Variants in POFUT3 observed in about 807,000 individuals in gnomAD.
POFUT3 encodes protein O-fucosyltransferase 3, also known as GDP-fucose protein O-fucosyltransferase 3.
the POFUT3 span, chr8:33,451,719 G>A: frequency 2.4e-4 from 37 of 151,938 alleles, no homozygotes; most frequent in Non-Finnish European, 4.0e-4. Flanking sequence ...ACCCAAGACT[G>A]GATAATTTAT....
the POFUT3 span, among the ~76,000 whole-genome samples, chr8:33,363,551 GA>G: frequency 6.6e-6 from 1 of 151,192 alleles, no homozygotes; most frequent in Non-Finnish European, 1.5e-5. Context: ...AAAGAGAGAA[GA>G]ATCAAATAGA....
chr8:33,411,746 C>T, the POFUT3 span, among the ~76,000 whole-genome samples: 2 of 152,128 alleles, frequency 1.3e-5, no homozygotes, highest in Non-Finnish European at 2.9e-5. Flanking sequence ...CGAGATGGTG[C>T]CATTGCACCC....
At chr8:33,355,874 A>G in the POFUT3 span, among the ~76,000 whole-genome samples, 4 of 151,910 alleles carry the variant, frequency 2.6e-5, no homozygotes, top group Non-Finnish European at 5.9e-5. Flanking sequence ...TTCTGTGTCC[A>G]TGTGTTCTCA....
the POFUT3 span, among the ~76,000 whole-genome samples, chr8:33,322,733 C>T: frequency 6.6e-6 from 1 of 152,048 alleles, no homozygotes; most frequent in Non-Finnish European, 1.5e-5. Flanking sequence ...CATTTGATAA[C>T]GGTAATGAAA....
At chr8:33,403,977 C>T in the POFUT3 span, among the ~76,000 whole-genome samples, 1 of 152,122 alleles carries the variant, frequency 6.6e-6, no homozygotes, top group South Asian at 2.1e-4. Flanking sequence ...TGGCAGGACA[C>T]ATCTGCAGCT....
chr8:33,387,090 GGTGTGTGTGTGTTTGT>G, the POFUT3 span, among the ~76,000 whole-genome samples: 32 of 151,842 alleles, frequency 2.1e-4, no homozygotes, highest in African/African-American at 7.5e-4. Flanking sequence ...CACATGGGTG[GGTGTGTGTGTGTTTGT>G]GTGTGTGTGT....
At chr8:33,372,663 T>C in the POFUT3 span, 11 of 1,613,934 alleles carry the variant, frequency 6.8e-6, no homozygotes, top group Admixed American at 1.3e-4. Context: ...TGGGCTTCTT[T>C]CTTGGATTGT....
the POFUT3 span, among the ~76,000 whole-genome samples, chr8:33,346,622 T>C: frequency 6.6e-6 from 1 of 152,238 alleles, no homozygotes; most frequent in Non-Finnish European, 1.5e-5. Context: ...CACATCTGTT[T>C]TTCAATCTGC....
chr8:33,346,511 T>A, the POFUT3 span, among the ~76,000 whole-genome samples: 1 of 152,236 alleles, frequency 6.6e-6, no homozygotes, highest in Non-Finnish European at 1.5e-5. Flanking sequence ...GGAATCATTC[T>A]GTTTCTTTTC....
At chr8:33,391,603 C>T in the POFUT3 span, among the ~76,000 whole-genome samples, 1 of 152,198 alleles carries the variant, frequency 6.6e-6, no homozygotes, top group African/African-American at 2.4e-5. Flanking sequence ...AGGGTCTAAG[C>T]TGGCTGAGAG....
the POFUT3 span, among the ~76,000 whole-genome samples, chr8:33,468,252 A>G: frequency 1.9e-4 from 29 of 149,824 alleles, no homozygotes; most frequent in Non-Finnish European, 4.0e-4. Flanking sequence ...AAAAAAAAAA[A>G]AAAAAGAAGA....
the POFUT3 span, among the ~76,000 whole-genome samples, chr8:33,463,944 C>G: frequency 6.6e-6 from 1 of 152,190 alleles, no homozygotes; most frequent in East Asian, 1.9e-4. Context: ...CTTCTTTCAT[C>G]CATGAAATTC....
the POFUT3 span, among the ~76,000 whole-genome samples, chr8:33,318,837 T>C: frequency 1.9e-5 from 1 of 54,006 alleles, no homozygotes; most frequent in Non-Finnish European, 2.7e-5. Flanking sequence ...TTTATATATA[T>C]TTATATAATA....
At chr8:33,423,359 C>A in the POFUT3 span, among the ~76,000 whole-genome samples, 1 of 152,108 alleles carries the variant, frequency 6.6e-6, no homozygotes, top group Non-Finnish European at 1.5e-5. Context: ...GCCTTGACCT[C>A]CTGGGCTCAA....
the POFUT3 span, among the ~76,000 whole-genome samples, chr8:33,442,106 T>C: frequency 1.3e-5 from 2 of 150,214 alleles, no homozygotes; most frequent in African/African-American, 4.9e-5. Flanking sequence ...CATGCCACCA[T>C]GCCCGGCTAA....
At chr8:33,315,719 T>C in the POFUT3 span, among the ~76,000 whole-genome samples, 1 of 152,160 alleles carries the variant, frequency 6.6e-6, no homozygotes, top group African/African-American at 2.4e-5. Flanking sequence ...AGTCATGCTC[T>C]GAGATTCTAT....
chr8:33,311,023 G>T, the POFUT3 span, among the ~76,000 whole-genome samples: 1 of 152,160 alleles, frequency 6.6e-6, no homozygotes, highest in Non-Finnish European at 1.5e-5. Flanking sequence ...TTATCTTGGG[G>T]CTGGTACCCT....
chr8:33,373,962 A>G, the POFUT3 span, among the ~76,000 whole-genome samples: 1 of 152,206 alleles, frequency 6.6e-6, no homozygotes, highest in East Asian at 1.9e-4. Context: ...ATGTTGGTAT[A>G]ATGCATCCCC....
the POFUT3 span, among the ~76,000 whole-genome samples, chr8:33,373,117 A>T: frequency 6.6e-6 from 1 of 151,900 alleles, no homozygotes; most frequent in Non-Finnish European, 1.5e-5. Context: ...TTATCTGTTG[A>T]TTTGTTTATT....
Sources: allele counts gnomAD v4.1 joint callset (sites outside exome capture counted in the v4.1 genomes callset), GRCh38; gene constraint gnomAD v4.1.1; transcripts MANE v1.5; gene names NCBI Gene and HGNC (gene_info 2026-07-23, HGNC 2026-07-21).